Variants in LAMA2 observed in about 807,000 individuals in gnomAD.
LAMA2 encodes the protein laminin subunit alpha 2.
In LAMA2, 269 loss-of-function variants were observed where a neutral mutation model predicts 364.8. The ratio of observed to expected loss-of-function variants is 0.74; its 90% CI spans 0.67 to 0.82. The LOEUF is 0.82. Among genes scored for constraint, LAMA2 ranks in the 40% least tolerant of loss-of-function variants. The pLI, the probability that LAMA2 is intolerant of heterozygous loss-of-function variation, is 0.00. For missense variants in LAMA2, 3,807 were observed against 3,873.2 expected (o/e 0.98, Z 0.45); for synonymous variants, 1,379 against 1,370.6 (o/e 1.01, Z -0.14).
chr6:129,151,517 G>A (rs1412881811), intron 7 of LAMA2, among the ~76,000 whole-genome samples: 1 of 152,072 alleles, frequency 6.6e-6, no homozygotes, highest in African/African-American at 2.4e-5. Flanking sequence ...GTGAGACCCT[G>A]TCTGTATCAC....
At chr6:128,910,927 G>T (rs1489263914) in intron 1 of LAMA2, among the ~76,000 whole-genome samples, 1 of 151,594 alleles carries the variant, frequency 6.6e-6, no homozygotes, top group Non-Finnish European at 1.5e-5. Context: ...CTGCTGGGGG[G>T]TGCCTCCCAG....
At chr6:129,052,282 C>T (rs1363127684) in intron 2 of LAMA2, among the ~76,000 whole-genome samples, 20 of 150,394 alleles carry the variant, frequency 1.3e-4, no homozygotes, top group Non-Finnish European at 2.2e-4. Flanking sequence ...ACTGCAGGCG[C>T]ACGTTGCCAC....
intron 1 of LAMA2, among the ~76,000 whole-genome samples, chr6:129,025,605 T>A (rs1202955227): frequency 1.3e-5 from 2 of 152,174 alleles, no homozygotes; most frequent in African/African-American, 4.8e-5. Context: ...AGAGTTAAAA[T>A]TAAATTGAAA....
intron 5 of LAMA2, 140 bp from the exon 6 acceptor site, chr6:129,146,819 C>T (rs555415349): frequency 1.4e-6 from 1 of 698,412 alleles, no homozygotes; most frequent in East Asian, 2.7e-5. Flanking sequence ...TTTGTGAGTC[C>T]TCACTTGTCC....
At chr6:128,912,237 A>G (rs1443143551) in intron 1 of LAMA2, among the ~76,000 whole-genome samples, 3 of 152,320 alleles carry the variant, frequency 2.0e-5, no homozygotes, top group Non-Finnish European at 4.4e-5. Context: ...TGAAGGCATG[A>G]TCTTAGTCTA....
intron 45 of LAMA2, 66 bp downstream of exon 45, chr6:129,445,887 G>T (rs1186244757): frequency 4.8e-6 from 7 of 1,460,386 alleles, no homozygotes; most frequent in Non-Finnish European, 6.7e-6. Flanking sequence ...TAGAGGGAAT[G>T]TCTTTCCCCA....
At chr6:129,099,110 G>A (rs1775353336) in intron 4 of LAMA2, among the ~76,000 whole-genome samples, 1 of 140,266 alleles carries the variant, frequency 7.1e-6, no homozygotes, top group Non-Finnish European at 1.5e-5. Flanking sequence ...GTGGGGGCGG[G>A]GAGGTTTTTT....
intron 30 of LAMA2, among the ~76,000 whole-genome samples, chr6:129,342,841 T>C (rs915145156): frequency 3.9e-5 from 6 of 152,156 alleles, no homozygotes; most frequent in Non-Finnish European, 7.4e-5. Context: ...GTGCATATTA[T>C]ATAATTTTTG....
intron 12 of LAMA2, among the ~76,000 whole-genome samples, chr6:129,229,311 A>T (rs186547314): frequency 4.7e-4 from 71 of 152,240 alleles, no homozygotes; most frequent in African/African-American, 1.5e-3. Context: ...ACTAGGAAAA[A>T]GTTATGTGGG....
chr6:129,288,126 C>A, intron 19 of LAMA2, 68 bp downstream of exon 19: 1 of 1,329,016 alleles, frequency 7.5e-7, no homozygotes, highest in Non-Finnish European at 1.1e-6. Context: ...CTGATGAGTT[C>A]TTGAGTGTGG....
intron 1 of LAMA2, among the ~76,000 whole-genome samples, chr6:128,918,609 T>C (rs1778499904): frequency 1.3e-5 from 2 of 152,222 alleles, no homozygotes; most frequent in South Asian, 4.1e-4. Flanking sequence ...TTCCTCATCT[T>C]CATTGTCTTC....
chr6:129,270,844 A>T, intron 17 of LAMA2, 93 bp downstream of exon 17: 1 of 1,315,918 alleles, frequency 7.6e-7, no homozygotes, highest in Non-Finnish European at 1.1e-6. Flanking sequence ...TATCCCATGT[A>T]AATAAATAAT....
intron 34 of LAMA2, among the ~76,000 whole-genome samples, chr6:129,370,675 T>C (rs1444852660): frequency 2.0e-5 from 3 of 152,254 alleles, no homozygotes; most frequent in African/African-American, 7.2e-5. Flanking sequence ...CTAAGAGCTT[T>C]AAATGATAAA....
chr6:129,381,295 T>C (rs1778670714), intron 34 of LAMA2, among the ~76,000 whole-genome samples: 2 of 152,184 alleles, frequency 1.3e-5, no homozygotes, highest in South Asian at 4.2e-4. Flanking sequence ...AAGTCTAGAC[T>C]AGAAAAATAT....
intron 27 of LAMA2, among the ~76,000 whole-genome samples, chr6:129,317,601 A>G (rs942560787): frequency 7.0e-6 from 1 of 142,012 alleles, no homozygotes; most frequent in African/African-American, 2.9e-5. Context: ...ATGAAATAAT[A>G]AAAAAAATAT....
chr6:129,475,741 G>A (rs1784037608), intron 53 of LAMA2, among the ~76,000 whole-genome samples: 1 of 152,038 alleles, frequency 6.6e-6, no homozygotes, highest in African/African-American at 2.4e-5. Context: ...ACACAGTCTA[G>A]TTCTGGGAAA....
chr6:129,430,847 A>G (rs549410497), intron 41 of LAMA2, among the ~76,000 whole-genome samples: 12 of 152,232 alleles, frequency 7.9e-5, no homozygotes, highest in Non-Finnish European at 1.5e-4. Context: ...TGTCTCAAAT[A>G]ATAATTAATT....
At chr6:129,027,964 A>G (rs1785949896) in intron 1 of LAMA2, among the ~76,000 whole-genome samples, 1 of 151,946 alleles carries the variant, frequency 6.6e-6, no homozygotes, top group Non-Finnish European at 1.5e-5. Context: ...GGAGTGAGAC[A>G]AGAATGTGAG....
intron 1 of LAMA2, among the ~76,000 whole-genome samples, chr6:128,923,914 G>C (rs1372284944): frequency 2.0e-5 from 3 of 152,100 alleles, no homozygotes; most frequent in Non-Finnish European, 2.9e-5. Flanking sequence ...AGAGAGGAGT[G>C]GGGAGCTGGC....
Sources: gnomAD v4.1 joint callset for allele counts (sites outside exome capture counted in the v4.1 genomes callset) on GRCh38, gnomAD v4.1.1 for gene constraint, MANE v1.5 for transcripts, NCBI Gene and HGNC (gene_info 2026-07-23, HGNC 2026-07-21) for gene names.